GLMN: variants seen among roughly 807,000 people sequenced by gnomAD.
GLMN encodes the protein glomulin, FKBP associated protein, also known as glomulin.
A neutral mutation model predicts 87.8 loss-of-function variants in GLMN; 75 were observed. The observed-to-expected ratio is 0.85, with a 90% CI of 0.71 to 1.04. The LOEUF is 1.04. Ranked by LOEUF, GLMN falls within the 50% of genes least tolerant of loss-of-function variation. The probability of loss-of-function intolerance (pLI) is 0.00; values close to 1 mark genes in which losing one functional copy is unlikely to be tolerated. For synonymous variants in GLMN, 206 were observed against 221.6 expected, an observed-to-expected ratio of 0.93 and a Z score of 0.63; for missense variants, 588 against 658.8, an observed-to-expected ratio of 0.89 and a Z score of 1.18.
upstream of GLMN, chr1:92,300,239 G>A: frequency 1.2e-6 from 2 of 1,606,014 alleles, no homozygotes; most frequent in Non-Finnish European, 8.5e-7. Context: ...GCTTCTAAAA[G>A]GTATGACAGC....
At chr1:92,363,751 C>G in the GLMN span, 1 of 355,980 alleles carries the variant, frequency 2.8e-6, no homozygotes, top group South Asian at 2.4e-5. Context: ...TTATGATGAT[C>G]TACTTCCACT....
At chr1:92,301,510 A>G (rs140941947), upstream of GLMN, 3 of 1,595,304 alleles carry the variant, frequency 1.9e-6, no homozygotes, top group Non-Finnish European at 2.6e-6. Context: ...GAGAAAGAAG[A>G]TTGAATTTGA....
At chr1:92,349,712 G>A in the GLMN span, among the ~76,000 whole-genome samples, 1 of 152,100 alleles carries the variant, frequency 6.6e-6, no homozygotes, top group Non-Finnish European at 1.5e-5. Context: ...AGGATTGCTT[G>A]AGCCCAGGAG....
the GLMN span, among the ~76,000 whole-genome samples, chr1:92,322,632 TG>T: frequency 6.6e-6 from 1 of 152,062 alleles, no homozygotes; most frequent in Non-Finnish European, 1.5e-5. Context: ...TCCAGCACTT[TG>T]GGAGGCCAAG....
chr1:92,333,327 T>C, the GLMN span: 4 of 1,296,720 alleles, frequency 3.1e-6, no homozygotes, highest in Non-Finnish European at 3.4e-6. Context: ...TTTATTGTTC[T>C]GCTTATCAAA....
intron 16 of GLMN, among the ~76,000 whole-genome samples, chr1:92,251,878 C>T (rs1653556909): frequency 6.6e-6 from 1 of 151,582 alleles, no homozygotes; most frequent in Admixed American, 6.6e-5. Flanking sequence ...TCACTGCAGC[C>T]TCCACCTACT....
the GLMN span, among the ~76,000 whole-genome samples, chr1:92,311,685 T>C: frequency 2.6e-5 from 4 of 152,182 alleles, no homozygotes; most frequent in Non-Finnish European, 4.4e-5. Flanking sequence ...AGGCATATCT[T>C]GGAGATATTG....
intron 3 of GLMN, among the ~76,000 whole-genome samples, chr1:92,293,066 C>A (rs1649605909): frequency 6.6e-6 from 1 of 151,846 alleles, no homozygotes; most frequent in East Asian, 1.9e-4. Flanking sequence ...ACCCATCTGA[C>A]AAGAGATTAA....
At chr1:92,318,997 G>GT in the GLMN span, among the ~76,000 whole-genome samples, 56 of 151,778 alleles carry the variant, frequency 3.7e-4, 3 homozygotes, top group South Asian at 1.9e-3. Context: ...TTGTTTGTTT[G>GT]TTTTTTTTAA....
At chr1:92,339,731 T>C in the GLMN span, among the ~76,000 whole-genome samples, 1 of 151,992 alleles carries the variant, frequency 6.6e-6, no homozygotes, top group African/African-American at 2.4e-5. Flanking sequence ...TAATGAAAAA[T>C]ACAGCCGGGC....
upstream of GLMN, chr1:92,303,860 T>G: frequency 1.8e-6 from 1 of 565,682 alleles, no homozygotes; most frequent in Non-Finnish European, 2.9e-6. Flanking sequence ...CTCTAACTTA[T>G]GAGGAAGGTA....
chr1:92,289,187 G>T, intron 5 of GLMN, 36 bp from the exon 6 acceptor site: 1 of 1,188,476 alleles, frequency 8.4e-7, no homozygotes, highest in East Asian at 2.3e-5. Context: ...CATCAAGTAT[G>T]CTAAACATGG....
intron 11 of GLMN, among the ~76,000 whole-genome samples, chr1:92,267,325 T>C (rs1476034175): frequency 1.3e-5 from 2 of 152,200 alleles, no homozygotes; most frequent in Non-Finnish European, 2.9e-5. Context: ...AGAAGAAAGT[T>C]ATGCTTTTCT....
the GLMN span, among the ~76,000 whole-genome samples, chr1:92,332,079 T>C: frequency 1.3e-5 from 2 of 152,080 alleles, no homozygotes; most frequent in African/African-American, 4.8e-5. Context: ...CTCTTAGATA[T>C]TGCTTCTATT....
intron 16 of GLMN, among the ~76,000 whole-genome samples, chr1:92,253,257 C>T (rs1373871171): frequency 1.3e-5 from 2 of 152,138 alleles, no homozygotes; most frequent in Non-Finnish European, 1.5e-5. Context: ...GAAAGAAAGG[C>T]AGCAGCTCCA....
At chr1:92,280,363 C>A (rs1039374473) in intron 7 of GLMN, among the ~76,000 whole-genome samples, 2 of 152,152 alleles carry the variant, frequency 1.3e-5, no homozygotes, top group African/African-American at 4.8e-5. Context: ...TCCAACATAC[C>A]TGCAGCTGAG....
chr1:92,266,656 C>T lies in GLMN; in HGVS notation c.1140+44G>A, dbSNP rs780057609. On this transcript the variant is annotated intron_variant, in intron 12 of 18. Coordinates refer to ENST00000370360, the MANE Select transcript of GLMN (RefSeq NM_053274.3). ...AAAATTAAATTATTTGTCAAATTTTCTCACTGTAACTCATTATTCTTTAGT... is the reference window on the plus strand; with the variant it reads ...AAAATTAAATTATTTGTCAAATTTTTTCACTGTAACTCATTATTCTTTAGT... The T allele has an allele frequency of 1.4e-5, 19 of 1,355,178 alleles. 1 individual carries two copies. The highest frequency in any genetic ancestry group is 1.8e-5 in the Non-Finnish European group (17 of 960,200). 83.9% of individuals were successfully genotyped at this position (1,355,178 alleles called of 1,614,324 possible).
At chr1:92,337,965 T>G in the GLMN span, among the ~76,000 whole-genome samples, 1 of 152,216 alleles carries the variant, frequency 6.6e-6, no homozygotes, top group Non-Finnish European at 1.5e-5. Flanking sequence ...TCCCAAGATA[T>G]GTTCTTGAGA....
At chr1:92,357,094 TAC>T in the GLMN span, among the ~76,000 whole-genome samples, 3,823 of 144,648 alleles carry the variant, frequency 0.026, 134 homozygotes, top group African/African-American at 0.079. Context: ...AAGGATTACA[TAC>T]ACACACACAC....
Sources: allele counts gnomAD v4.1 joint callset (sites outside exome capture counted in the v4.1 genomes callset), GRCh38; gene constraint gnomAD v4.1.1; transcripts MANE v1.5; gene names NCBI Gene and HGNC (gene_info 2026-07-23, HGNC 2026-07-21).